The following VWA5B1 variants were observed in gnomAD, a reference collection of about 807,000 sequenced individuals.
VWA5B1 encodes von Willebrand factor A domain-containing protein 5B1.
Under a neutral mutation model 118.2 loss-of-function variants are expected in VWA5B1, and 115 were observed. That is an observed-to-expected ratio of 0.97 (90% CI 0.84 to 1.14). The LOEUF (loss-of-function observed/expected upper bound fraction) is 1.14, where lower values mean the gene tolerates loss of function less well. Ranked by LOEUF, VWA5B1 falls within the 50% of genes most tolerant of loss-of-function variation. VWA5B1 has a pLI of 0.00. For missense variants in VWA5B1, 1,596 were observed against 1,603.8 expected (o/e 1.00, Z 0.08); for synonymous variants, 682 against 658.4 (o/e 1.04, Z -0.55).
intron 5 of VWA5B1, 71 bp from the exon 6 acceptor site, chr1:20,318,519 G>A: frequency 6.5e-7 from 1 of 1,541,628 alleles, no homozygotes; most frequent in Non-Finnish European, 8.7e-7. Flanking sequence ...GGATCTCGGT[G>A]TGCCCCAGCG....
chr1:20,315,048 G>A (rs969373679), intron 4 of VWA5B1, among the ~76,000 whole-genome samples: 1 of 152,194 alleles, frequency 6.6e-6, no homozygotes, highest in Non-Finnish European at 1.5e-5. Flanking sequence ...GTTATTGACT[G>A]AAAAGTACAA....
rs955472188 is a variant in VWA5B1, at chr1:20,348,107, T to C, written c.2765-138T>C. ...GTCTTTCTGACTCTAAAGCTTATGG[T>C]CTTACCCTGTACAACACCTTCCTGC... On this transcript the variant is annotated intron_variant, in intron 17 of 21. Coordinates refer to ENST00000289815, the MANE Select transcript of VWA5B1 (RefSeq NM_001039500.3). 8.5e-6 allele frequency: 7 copies of C among 827,464 alleles called. No homozygotes were observed. The South Asian group carries it at 1.2e-4, about 14-fold the overall frequency. 51.3% of individuals were successfully genotyped at this position (827,464 alleles called of 1,614,324 possible).
intron 1 of VWA5B1, among the ~76,000 whole-genome samples, chr1:20,305,635 C>T (rs1187661130): frequency 2.0e-5 from 3 of 152,010 alleles, no homozygotes; most frequent in Non-Finnish European, 4.4e-5. Context: ...CATGCAGGGG[C>T]AGCTGTAGAG....
intron 8 of VWA5B1, 48 bp from the exon 9 acceptor site, chr1:20,327,842 G>A: frequency 2.0e-6 from 3 of 1,487,318 alleles, no homozygotes; most frequent in Non-Finnish European, 2.8e-6. Context: ...GTGGCCGAGT[G>A]ACAAGAACTC....
In VWA5B1 at chr1:20,359,141, C is replaced by T. The variant is rs1367214542; in HGVS notation, c.*4878C>T. Among the ~76,000 whole-genome samples, 1 of 152,214 alleles carries T rather than the reference C, an allele frequency of 6.6e-6. No individual in the cohort carries two copies. Among genetic ancestry groups the T allele is most frequent in the Non-Finnish European group, 1.5e-5 (1 of 68,048 alleles). On this transcript the variant is annotated 3_prime_UTR_variant, in exon 22 of 22. Transcript: ENST00000289815. ...AACGCAATGCGCCTCATCTCAATGC[C>T]GCTGACTGTGGTGACACATGTGGTA...
chr1:20,291,339 C>T lies in VWA5B1; in HGVS notation c.-27+251C>T, dbSNP rs371297992. Among the ~76,000 whole-genome samples, 789 of 135,126 alleles carry T rather than the reference C, an allele frequency of 5.8e-3. 2 individuals carry two copies. The highest frequency in any genetic ancestry group is 9.6e-3 in the Non-Finnish European group (606 of 63,440). 88.6% of individuals were successfully genotyped at this position (135,126 alleles called of 152,430 possible). ...GCTACTCAGGTCCAGCTCTCTCTCT[C>T]TCTTTCTTTCTTTCTTTCTTTCTCT... On this transcript the variant is annotated intron_variant, in intron 1 of 21. Coordinates refer to ENST00000289815, the MANE Select transcript of VWA5B1 (RefSeq NM_001039500.3).
Position 20,319,395 on chromosome 1 carries a change from C to T in VWA5B1, c.855C>T (p.Pro285=), listed in dbSNP as rs1557843820. The T allele has an allele frequency of 1.9e-6, 3 of 1,551,628 alleles. No homozygotes were observed. The highest frequency in any genetic ancestry group is 2.6e-6 in the Non-Finnish European group (3 of 1,147,006). Residue 285 remains proline, a synonymous_variant, in exon 7 of 22, where the codon CCC becomes CCT. Transcript: ENST00000289815. The stretch of plus-strand genomic sequence containing the variant: ...TCATCTCTGCAGAGCCCCATATGCC[C>T]CATGTCCTGATAGAGAAAGGGGACA... ...ILIHPSEPHM[P]HVLIEKGDMT...
chr1:20,318,241 T>C (rs1445091789), intron 5 of VWA5B1, among the ~76,000 whole-genome samples: 1 of 151,332 alleles, frequency 6.6e-6, no homozygotes, highest in Non-Finnish European at 1.5e-5. Context: ...CAGTGTGAGG[T>C]GCGTTTATGG....
At chr1:20,324,274 G>A (rs2089309344) in intron 8 of VWA5B1, among the ~76,000 whole-genome samples, 1 of 152,146 alleles carries the variant, frequency 6.6e-6, no homozygotes, top group South Asian at 2.1e-4. Flanking sequence ...AGAATACATG[G>A]GAGCTTGGTC....
chr1:20,292,993 G>A (rs1380842620), intron 1 of VWA5B1, among the ~76,000 whole-genome samples: 1 of 152,188 alleles, frequency 6.6e-6, no homozygotes, highest in Admixed American at 6.5e-5. Flanking sequence ...CAGAAAATGG[G>A]GTGAAGACCA....
chr1:20,321,403 G>A (rs797010448), intron 7 of VWA5B1, among the ~76,000 whole-genome samples: 5 of 152,238 alleles, frequency 3.3e-5, no homozygotes, highest in African/African-American at 1.2e-4. Flanking sequence ...TGGCCAACAT[G>A]GCGAAACCCC....
rs1332924840 is a variant in VWA5B1 at position 20,354,121 on chromosome 1, C to T, written c.3506C>T (p.Ser1169Leu). 12 of 1,551,438 alleles carry T rather than the reference C, an allele frequency of 7.7e-6. No homozygotes were observed. The African/African-American group carries it at 9.6e-5, about 12-fold the overall frequency. ...GAGTTGGTGGCTGCCAAGGCCAACT[C>T]ATGGCTGGAGCAGCAGGAAGTACCC... ...EWELVAAKAN[S>L]WLEQQEVPEG... The change falls in exon 22 of 22, where the codon TCA (serine) becomes TTA (leucine). Residue 1169 changes from serine to leucine, a missense_variant. By Grantham distance (145) the Ser-to-Leu change is moderately radical. Coordinates refer to ENST00000289815, the MANE Select transcript of VWA5B1 (RefSeq NM_001039500.3).
At chr1:20,350,338 C>A in intron 19 of VWA5B1, 108 bp downstream of exon 19, 2 of 1,254,914 alleles carry the variant, frequency 1.6e-6, no homozygotes, top group Non-Finnish European at 2.2e-6. Context: ...TTCATGGAGT[C>A]CTCAAAGCAG....
chr1:20,324,316 G>A (rs2089311185), intron 8 of VWA5B1, among the ~76,000 whole-genome samples: 1 of 152,170 alleles, frequency 6.6e-6, no homozygotes, highest in African/African-American at 2.4e-5. Flanking sequence ...CAGGAGGGTG[G>A]AAGCAATGGT....
chr1:20,293,097 T>G (rs1177745788), intron 1 of VWA5B1, among the ~76,000 whole-genome samples: 1 of 151,932 alleles, frequency 6.6e-6, no homozygotes, highest in East Asian at 1.9e-4. Context: ...GAGGAGGAGG[T>G]AGAGGACAGG....
chr1:20,323,505 G>C lies in VWA5B1; in HGVS notation c.1116G>C (p.Met372Ile). 1 of 1,514,976 alleles carries C rather than the reference G, an allele frequency of 6.6e-7. No homozygotes were observed. 93.8% of individuals were successfully genotyped at this position (1,514,976 alleles called of 1,614,324 possible). Residue 372 changes from methionine (M) to isoleucine (I), a missense_variant, in exon 8 of 22, where the codon ATG (methionine) becomes ATC (isoleucine). Transcript: ENST00000289815. The stretch of plus-strand genomic sequence containing the variant: ...TCCTCATTGACAGGAGCAGCAGCAT[G>C]AGCGGGATCAGCATGCACCGAGTCA... ...FIFLIDRSSS[M>I]SGISMHRVKD...
rs752841229 is a variant in VWA5B1, at chr1:20,345,528, C to T, written c.2699C>T (p.Ala900Val). The T allele has an allele frequency of 5.8e-6, 9 of 1,551,136 alleles. No homozygotes were observed. The African/African-American group carries it at 6.8e-5, about 12-fold the overall frequency. ...KACNIISKYT[A>V]FVPVDVSKSR... The stretch of plus-strand genomic sequence containing the variant: ...TGCAACATCATTAGCAAATACACAG[C>T]CTTCGTGCCTGTGGACGTGAGCAAG... Residue 900 changes from alanine to valine, a missense_variant, in exon 17 of 22, where the codon GCC (alanine) becomes GTC (valine). Ala to Val is a moderately conservative substitution (Grantham distance 64, BLOSUM62 0). Transcript: ENST00000289815.
In VWA5B1 at chr1:20,350,226, T is replaced by A; in HGVS notation, c.2949T>A (p.Ser983=). 2 of 1,551,086 alleles carry A rather than the reference T, an allele frequency of 1.3e-6. No homozygotes were observed. Among genetic ancestry groups the A allele is most frequent in the Non-Finnish European group, 1.7e-6 (2 of 1,146,978 alleles). Reference sequence around the variant, plus strand: ...CCGGCCGCGAGAAGCACGGTGCTTCTGAAGGTGAGTGGGCAGGTGGCGCTG... The same window carrying A: ...CCGGCCGCGAGAAGCACGGTGCTTCAGAAGGTGAGTGGGCAGGTGGCGCTG... ...RSPGREKHGA[S]EGPQRSLATN... Residue 983 remains serine (S), a synonymous_variant, in exon 19 of 22, where the codon TCT becomes TCA. Coordinates refer to ENST00000289815, the MANE Select transcript of VWA5B1 (RefSeq NM_001039500.3).
intron 9 of VWA5B1, 67 bp downstream of exon 9, chr1:20,328,067 AGGGG>A: frequency 1.4e-6 from 2 of 1,461,502 alleles, no homozygotes; most frequent in Admixed American, 2.0e-5. Context: ...AAGGAGGGAA[AGGGG>A]AAAAAATAGT....
Sources: gnomAD v4.1 joint callset for allele counts (sites outside exome capture counted in the v4.1 genomes callset) on GRCh38, gnomAD v4.1.1 for gene constraint, MANE v1.5 for transcripts, NCBI Gene and HGNC (gene_info 2026-07-23, HGNC 2026-07-21) for gene names.